ZC4H2: variants seen among roughly 807,000 people sequenced by gnomAD.
ZC4H2 encodes zinc finger C4H2-type containing.
For missense variants in ZC4H2, 137 were observed against 173.9 expected (o/e 0.79, Z 1.19); for synonymous variants, 84 against 66.3 (o/e 1.27, Z -1.30).
intron 1 of ZC4H2, among the ~76,000 whole-genome samples, chrX:64,944,293 A>T (rs1930431426): frequency 9.2e-6 from 1 of 108,750 alleles, no homozygotes; most frequent in African/African-American, 3.4e-5. Flanking sequence ...GGTGCCTGCC[A>T]CCATGCCTGG....
chrX:64,921,850 C>T lies in ZC4H2; in HGVS notation c.192G>A (p.Glu64=). The change falls in exon 2 of 5, where the codon GAG becomes GAA. Residue 64 remains glutamate (E), a synonymous_variant. Coordinates refer to ENST00000374839, the MANE Select transcript of ZC4H2 (RefSeq NM_018684.4). Reference sequence around the variant, plus strand: ...TGTCAGCGTGGATCAGTCGGAGTTCCTCCACATGGGCCATCTTCTCCTGTA... The same window carrying T: ...TGTCAGCGTGGATCAGTCGGAGTTCTTCCACATGGGCCATCTTCTCCTGTA... ...LLLQEKMAHV[E]ELRLIHADIN... 1 of 1,210,807 alleles carries T rather than the reference C, an allele frequency of 8.3e-7. No homozygotes were observed. The highest frequency in any genetic ancestry group is 1.1e-6 in the Non-Finnish European group (1 of 895,327).
chrX:64,917,648 G>A lies in ZC4H2; in HGVS notation c.*135C>T, dbSNP rs1227332900. 16 of 912,483 alleles carry A rather than the reference G, an allele frequency of 1.8e-5. No individual in the cohort carries two copies. Among genetic ancestry groups the A allele is most frequent in the Non-Finnish European group, 2.4e-5 (16 of 671,739 alleles). 75.2% of individuals were successfully genotyped at this position (912,483 alleles called of 1,213,427 possible). A position where few individuals can be genotyped will look rare whatever the true frequency, so the allele number is the denominator to read the frequency against. On this transcript the variant is annotated 3_prime_UTR_variant, in exon 5 of 5. Coordinates refer to ENST00000374839, the MANE Select transcript of ZC4H2 (RefSeq NM_018684.4). ...AGAAAGAAATAGGAGCAAAGTGAGA[G>A]AGGGGTTGTGCTTCCATCACATTAA...
intron 1 of ZC4H2, among the ~76,000 whole-genome samples, chrX:65,009,345 C>T (rs1330390927): frequency 1.8e-5 from 2 of 110,475 alleles, no homozygotes; most frequent in Non-Finnish European, 3.8e-5. Flanking sequence ...ACTGTCCAAG[C>T]CTTCTCTCAG....
chrX:65,016,385 G>A (rs1344135627), intron 1 of ZC4H2, among the ~76,000 whole-genome samples: 1 of 111,924 alleles, frequency 8.9e-6, no homozygotes, highest in East Asian at 2.8e-4. Context: ...TGGCCCGCCT[G>A]AAATAATGTA....
At chrX:64,964,125 C>T (rs1278747794) in intron 1 of ZC4H2, among the ~76,000 whole-genome samples, 1 of 110,884 alleles carries the variant, frequency 9.0e-6, no homozygotes, top group African/African-American at 3.3e-5. Context: ...CAACATTATG[C>T]TTCTAGTTAA....
intron 1 of ZC4H2, among the ~76,000 whole-genome samples, chrX:65,020,776 C>G (rs767140013): frequency 4.5e-5 from 5 of 111,618 alleles, no homozygotes; most frequent in Non-Finnish European, 9.4e-5. Context: ...AAGTGCTGTA[C>G]TCAGGAGCCC....
At chrX:65,004,125 G>A (rs1334847080) in intron 1 of ZC4H2, among the ~76,000 whole-genome samples, 2 of 111,242 alleles carry the variant, frequency 1.8e-5, no homozygotes, top group Non-Finnish European at 3.8e-5. Context: ...GCCCAGGATG[G>A]ATTCACAGCC....
At chrX:64,928,542 A>C (rs995470690) in intron 1 of ZC4H2, among the ~76,000 whole-genome samples, 1 of 110,896 alleles carries the variant, frequency 9.0e-6, no homozygotes, top group Non-Finnish European at 1.9e-5. Context: ...AGTATAGTAT[A>C]GTGATGTTAA....
At chrX:65,032,715 C>A (rs1932947508) in intron 1 of ZC4H2, among the ~76,000 whole-genome samples, 1 of 107,204 alleles carries the variant, frequency 9.3e-6, no homozygotes, top group African/African-American at 3.5e-5. Flanking sequence ...TTGAGCTCTC[C>A]TCTAATGTTT....
In ZC4H2 at chrX:64,928,788, CTTT is replaced by C. The variant is rs201678873; in HGVS notation, c.54-6803_54-6801del. On this transcript the variant is annotated intron_variant, in intron 1 of 4. Transcript: ENST00000374839. ...CTTCTTTTCTTCTTCTCTTCTTCTT[CTTT>C]TTCTTCTCCTTCTTCTTCTCCTTCT... is the stretch of plus-strand genomic sequence containing the variant. Among the ~76,000 whole-genome samples, 683 of 99,962 alleles carry C rather than the reference CTTT, an allele frequency of 6.8e-3. 1 individual carries two copies. The highest frequency in any genetic ancestry group is 0.035 in the Middle Eastern group (7 of 200). The allele number at this position is 99,962 out of a possible 115,157, so 86.8% of individuals were successfully genotyped here. A position where few individuals can be genotyped will look rare whatever the true frequency, so the allele number is the denominator to read the frequency against.
chrX:64,987,444 A>G (rs1373743989), intron 1 of ZC4H2, among the ~76,000 whole-genome samples: 1 of 105,753 alleles, frequency 9.5e-6, no homozygotes, highest in Non-Finnish European at 1.9e-5. Context: ...TCACACATAT[A>G]TGCCAAACTG....
At chrX:64,923,841 A>T (rs771877544) in intron 1 of ZC4H2, among the ~76,000 whole-genome samples, 67 of 110,052 alleles carry the variant, frequency 6.1e-4, no homozygotes, top group Non-Finnish European at 1.5e-4. Flanking sequence ...TCTAACACCA[A>T]AGCCTACATA....
At chrX:65,020,225 C>T (rs1325138188) in intron 1 of ZC4H2, among the ~76,000 whole-genome samples, 1 of 111,167 alleles carries the variant, frequency 9.0e-6, no homozygotes, top group Non-Finnish European at 1.9e-5. Context: ...AACCCCAAGA[C>T]ACATAATCAT....
intron 1 of ZC4H2, among the ~76,000 whole-genome samples, chrX:65,029,515 C>G (rs1412385435): frequency 9.0e-6 from 1 of 111,357 alleles, no homozygotes; most frequent in African/African-American, 3.3e-5. Flanking sequence ...TCCAGGATCA[C>G]AGGAGAGTAT....
At chrX:64,990,761 G>T (rs999806371) in intron 1 of ZC4H2, among the ~76,000 whole-genome samples, 6 of 111,115 alleles carry the variant, frequency 5.4e-5, no homozygotes, top group African/African-American at 2.0e-4. Flanking sequence ...AATTAATGCT[G>T]TACAGATGGG....
At chrX:65,021,569 AG>A (rs1183374530) in intron 1 of ZC4H2, among the ~76,000 whole-genome samples, 1 of 111,544 alleles carries the variant, frequency 9.0e-6, no homozygotes, top group African/African-American at 3.3e-5. Context: ...CACAAGGGAA[AG>A]CAGGAAAGAT....
chrX:64,952,885 C>T (rs887718280), intron 1 of ZC4H2, among the ~76,000 whole-genome samples: 5 of 111,265 alleles, frequency 4.5e-5, no homozygotes, highest in Non-Finnish European at 9.4e-5. Context: ...GCCAAAAGAA[C>T]AAAGCTGGAG....
chrX:64,993,430 C>T (rs924011968), intron 1 of ZC4H2, among the ~76,000 whole-genome samples: 3 of 111,415 alleles, frequency 2.7e-5, no homozygotes, highest in African/African-American at 6.5e-5. Flanking sequence ...ACACCCAAGA[C>T]GATGGTATTA....
chrX:64,988,605 A>G (rs1258255962), intron 1 of ZC4H2, among the ~76,000 whole-genome samples: 1 of 109,300 alleles, frequency 9.1e-6, no homozygotes, highest in Non-Finnish European at 1.9e-5. Flanking sequence ...TATAAATTTG[A>G]ATTCATTGTA....
Sources: allele counts gnomAD v4.1 joint callset (sites outside exome capture counted in the v4.1 genomes callset), GRCh38; gene constraint gnomAD v4.1.1; transcripts MANE v1.5; gene names NCBI Gene and HGNC (gene_info 2026-07-23, HGNC 2026-07-21).